Variants in SLF1 observed in about 807,000 individuals in gnomAD.
SLF1 encodes SMC5-SMC6 complex localization factor protein 1.
In SLF1, 105 loss-of-function variants were observed where a neutral mutation model predicts 123.0. The ratio of observed to expected loss-of-function variants is 0.85; its 90% CI spans 0.73 to 1.00. SLF1 has a LOEUF of 1.00. SLF1 is among the 50% of genes least tolerant of loss of function. The probability of loss-of-function intolerance (pLI) is 0.00; values close to 1 mark genes in which losing one functional copy is unlikely to be tolerated. For synonymous variants in SLF1, 434 were observed against 406.6 expected (o/e 1.07, Z -0.81); for missense variants, 1,239 against 1,223.0 (o/e 1.01, Z -0.20).
At chr5:94,626,099 A>G (rs538508137) in intron 1 of SLF1, among the ~76,000 whole-genome samples, 60 of 151,230 alleles carry the variant, frequency 4.0e-4, no homozygotes, top group Middle Eastern at 3.4e-3. Context: ...TAAAAATACA[A>G]AAAAAAAGCC....
intron 4 of SLF1, among the ~76,000 whole-genome samples, chr5:94,641,926 A>C (rs912944295): frequency 1.6e-4 from 25 of 152,216 alleles, no homozygotes; most frequent in African/African-American, 5.3e-4. Context: ...TATTGATACA[A>C]GACCTGGGAC....
intron 12 of SLF1, among the ~76,000 whole-genome samples, chr5:94,667,260 A>G (rs1216587998): frequency 6.6e-6 from 1 of 152,192 alleles, no homozygotes; most frequent in Non-Finnish European, 1.5e-5. Context: ...TGAGATGTAA[A>G]CAATACCGCA....
At chr5:94,632,081 G>T (rs376746593) in intron 4 of SLF1, among the ~76,000 whole-genome samples, 19 of 151,994 alleles carry the variant, frequency 1.3e-4, no homozygotes, top group Middle Eastern at 3.4e-3. Flanking sequence ...CCAGGAGTTG[G>T]AGGCTGCAGA....
intron 4 of SLF1, among the ~76,000 whole-genome samples, chr5:94,636,199 T>TG (rs748147447): frequency 3.9e-5 from 6 of 152,232 alleles, no homozygotes; most frequent in Admixed American, 6.5e-5. Flanking sequence ...TATCTCCTGC[T>TG]GCTTTCAGAA....
intron 15 of SLF1, among the ~76,000 whole-genome samples, chr5:94,682,459 A>G (rs954182357): frequency 6.6e-6 from 1 of 152,154 alleles, no homozygotes; most frequent in Non-Finnish European, 1.5e-5. Flanking sequence ...TTTCACTGTT[A>G]TATAACTTCC....
intron 5 of SLF1, among the ~76,000 whole-genome samples, chr5:94,646,876 A>G (rs1051456874): frequency 2.6e-5 from 4 of 152,272 alleles, no homozygotes; most frequent in South Asian, 2.1e-4. Context: ...ACCTTGAGTA[A>G]TAGTTACTGA....
At chr5:94,685,192 C>T (rs1379236205) in intron 15 of SLF1, among the ~76,000 whole-genome samples, 1 of 152,322 alleles carries the variant, frequency 6.6e-6, no homozygotes, top group Admixed American at 6.5e-5. Flanking sequence ...ATTCTCTTCA[C>T]GCTGAAAGAA....
At chr5:94,633,376 A>G (rs1216981232) in intron 4 of SLF1, among the ~76,000 whole-genome samples, 1 of 152,342 alleles carries the variant, frequency 6.6e-6, no homozygotes, top group African/African-American at 2.4e-5. Flanking sequence ...TTCATTTTTA[A>G]TATTTTGCTG....
At chr5:94,637,801 C>T (rs1745984829) in intron 4 of SLF1, among the ~76,000 whole-genome samples, 1 of 151,956 alleles carries the variant, frequency 6.6e-6, no homozygotes, top group South Asian at 2.1e-4. Context: ...AGAACTAGCC[C>T]CCACTCTGCC....
intron 9 of SLF1, among the ~76,000 whole-genome samples, chr5:94,659,604 G>A (rs1255973497): frequency 1.3e-5 from 2 of 152,208 alleles, no homozygotes; most frequent in Non-Finnish European, 2.9e-5. Flanking sequence ...CATCCACAGT[G>A]TTATCTTTGA....
intron 4 of SLF1, among the ~76,000 whole-genome samples, chr5:94,638,264 C>T (rs1746037125): frequency 1.3e-5 from 2 of 152,056 alleles, no homozygotes; most frequent in Admixed American, 1.3e-4. Flanking sequence ...CTGCAACCTC[C>T]ACCTCCCGGG....
intron 1 of SLF1, among the ~76,000 whole-genome samples, chr5:94,624,747 A>G (rs185114729): frequency 5.9e-5 from 9 of 152,212 alleles, no homozygotes; most frequent in Admixed American, 5.2e-4. Context: ...TTATACGTCA[A>G]TTTTTAGAAT....
chr5:94,694,111 A>T (rs552781002), intron 20 of SLF1, among the ~76,000 whole-genome samples: 2 of 152,024 alleles, frequency 1.3e-5, no homozygotes, highest in South Asian at 4.1e-4. Flanking sequence ...TTGACTGATG[A>T]AGGCAAAAGT....
chr5:94,671,062 A>AT (rs1585196688), intron 14 of SLF1, 54 bp downstream of exon 14: 3 of 1,245,970 alleles, frequency 2.4e-6, no homozygotes, highest in Non-Finnish European at 3.3e-6. Context: ...ACTTTGAATT[A>AT]TTTACCTTTT....
chr5:94,641,050 T>A (rs534661321), intron 4 of SLF1, among the ~76,000 whole-genome samples: 145 of 152,326 alleles, frequency 9.5e-4, no homozygotes, highest in African/African-American at 3.3e-3. Context: ...TACAAGAATA[T>A]TGATAGAGGC....
chr5:94,665,337 T>TA (rs1173058419), intron 11 of SLF1, among the ~76,000 whole-genome samples: 3 of 152,194 alleles, frequency 2.0e-5, no homozygotes, highest in Non-Finnish European at 4.4e-5. Flanking sequence ...TAAAACCTGT[T>TA]ATTCAGGTAT....
chr5:94,670,318 T>G (rs7709494), intron 13 of SLF1, 39 bp downstream of exon 13: 1 of 1,393,382 alleles, frequency 7.2e-7, no homozygotes, highest in African/African-American at 1.5e-5. Context: ...TTCTAAATTT[T>G]GGTTGTTTTT....
chr5:94,654,479 C>G (rs1265159856), intron 8 of SLF1, 151 bp from the exon 9 acceptor site: 1 of 388,548 alleles, frequency 2.6e-6, no homozygotes, highest in Middle Eastern at 7.5e-4. Flanking sequence ...CTTTTTCTTT[C>G]ATTGTGTAAT....
chr5:94,679,176 T>C (rs573277055), intron 15 of SLF1, among the ~76,000 whole-genome samples: 12 of 152,310 alleles, frequency 7.9e-5, no homozygotes, highest in African/African-American at 2.6e-4. Context: ...AACTTTTTAA[T>C]GTCTTTCTGG....
Sources: gnomAD v4.1 joint callset for allele counts (sites outside exome capture counted in the v4.1 genomes callset) on GRCh38, gnomAD v4.1.1 for gene constraint, MANE v1.5 for transcripts, NCBI Gene and HGNC (gene_info 2026-07-23, HGNC 2026-07-21) for gene names.